WDR20: variants seen among roughly 807,000 people sequenced by gnomAD.
WDR20 encodes WD repeat-containing protein 20.
In WDR20, 3 loss-of-function variants were observed where a neutral mutation model predicts 38.7. That is an observed-to-expected ratio of 0.08 (90% CI 0.04 to 0.20). WDR20 has a LOEUF of 0.20. Ranked by LOEUF, WDR20 falls within the 10% of genes least tolerant of loss-of-function variation. WDR20 has a pLI of 1.00. For missense variants in WDR20, 559 were observed against 727.7 expected, an observed-to-expected ratio of 0.77 and a Z score of 2.67; for synonymous variants, 298 against 285.6, an observed-to-expected ratio of 1.04 and a Z score of -0.44.
intron 1 of WDR20, among the ~76,000 whole-genome samples, chr14:102,140,374 G>A (rs574294593): frequency 1.3e-5 from 2 of 152,164 alleles, no homozygotes; most frequent in East Asian, 3.9e-4. Flanking sequence ...GAAGGGGTGG[G>A]GGCAGTGGAA....
intron 1 of WDR20, among the ~76,000 whole-genome samples, chr14:102,160,325 G>A (rs2058354507): frequency 6.6e-6 from 1 of 152,066 alleles, no homozygotes. Context: ...ATTCAGAGAG[G>A]TCTGTCTTCT....
chr14:102,175,019 C>G (rs2061753091), intron 1 of WDR20, among the ~76,000 whole-genome samples: 1 of 152,130 alleles, frequency 6.6e-6, no homozygotes, highest in African/African-American at 2.4e-5. Flanking sequence ...GTTGTTTACT[C>G]TGCTGATTAT....
At chr14:102,152,365 A>G (rs1341300542) in intron 1 of WDR20, among the ~76,000 whole-genome samples, 2 of 152,164 alleles carry the variant, frequency 1.3e-5, no homozygotes. Context: ...TGTTAATAAT[A>G]GTGTGGATTA....
intron 2 of WDR20, among the ~76,000 whole-genome samples, chr14:102,196,882 G>A (rs186264353): frequency 6.6e-6 from 1 of 152,330 alleles, no homozygotes; most frequent in East Asian, 1.9e-4. Flanking sequence ...TTTAATGCCA[G>A]CTTTGCATTT....
chr14:102,212,727 T>A (rs957901167), downstream of WDR20: 8 of 1,454,760 alleles, frequency 5.5e-6, no homozygotes, highest in Admixed American at 4.8e-5. Flanking sequence ...ATATCAGGTG[T>A]GTAAGGTGCA....
chr14:102,192,326 C>T (rs1055974858), intron 1 of WDR20, among the ~76,000 whole-genome samples: 5 of 151,924 alleles, frequency 3.3e-5, no homozygotes, highest in African/African-American at 1.2e-4. Flanking sequence ...ACTACAGGTG[C>T]CCACCACCAC....
At chr14:102,192,888 A>G (rs190545391) in intron 1 of WDR20, among the ~76,000 whole-genome samples, 2 of 151,854 alleles carry the variant, frequency 1.3e-5, no homozygotes, top group Admixed American at 1.3e-4. Flanking sequence ...GTTAACTGTC[A>G]CCTTGAATTC....
Position 102,188,236 on chromosome 14 carries a change from A to G in WDR20, c.250-6702A>G, listed in dbSNP as rs528021045. On this transcript the variant is annotated intron_variant, in intron 1 of 2. Coordinates refer to ENST00000342702, the MANE Select transcript of WDR20 (RefSeq NM_144574.4). ...TATCAAGTAAAACTTTACCAGGCCT[A>G]TGTGATGTGACATGGCTGTTGCCTG... Among the ~76,000 whole-genome samples, 438 of 152,314 alleles carry G rather than the reference A, an allele frequency of 2.9e-3. 4 individuals are homozygous for G. Among genetic ancestry groups the G allele is most frequent in the African/African-American group, 0.01 (425 of 41,564 alleles).
intron 1 of WDR20, among the ~76,000 whole-genome samples, chr14:102,178,417 G>C (rs182790291): frequency 6.6e-6 from 1 of 151,526 alleles, no homozygotes; most frequent in Non-Finnish European, 1.5e-5. Context: ...ATTGTTTGGC[G>C]TGTGTGTATT....
chr14:102,143,470 G>T (rs939016307), intron 1 of WDR20, among the ~76,000 whole-genome samples: 1 of 152,078 alleles, frequency 6.6e-6, no homozygotes, highest in Non-Finnish European at 1.5e-5. Context: ...TACCAGGCAA[G>T]GTGATGTGAG....
Position 102,209,647 on chromosome 14 carries a change from G to A in WDR20, c.1477G>A (p.Asp493Asn). 6.2e-7 allele frequency: 1 copy of A among 1,614,162 alleles called. No individual in the cohort carries two copies. The highest frequency in any genetic ancestry group is 8.5e-7 in the Non-Finnish European group (1 of 1,180,042). ...SMGHISSKSS[D>N]KLNLVTKTKT... ...GGGACACATTTCTAGCAAGAGCAGT[G>A]ACAAACTGAATCTAGTTACCAAAAC... The change falls in exon 3 of 3, where the codon GAC becomes AAC. Residue 493 changes from aspartate to asparagine, a missense_variant. Coordinates refer to ENST00000342702, the MANE Select transcript of WDR20 (RefSeq NM_144574.4). The surrounding 1 kb of genome is among the most constrained non-coding windows in gnomAD (Gnocchi z 6.0).
chr14:102,174,536 C>T (rs1007338530), intron 1 of WDR20, among the ~76,000 whole-genome samples: 1 of 152,230 alleles, frequency 6.6e-6, no homozygotes, highest in Non-Finnish European at 1.5e-5. Context: ...TCTCCTGTCT[C>T]AGCCTCCCGA....
At chr14:102,173,508 G>T (rs1020132607) in intron 1 of WDR20, among the ~76,000 whole-genome samples, 1 of 149,946 alleles carries the variant, frequency 6.7e-6, no homozygotes, top group African/African-American at 2.5e-5. Flanking sequence ...TGGGGAACAG[G>T]AGGTATTTGG....
intron 1 of WDR20, among the ~76,000 whole-genome samples, chr14:102,172,519 G>A (rs1464318961): frequency 2.6e-3 from 389 of 149,818 alleles, no homozygotes; most frequent in African/African-American, 8.6e-3. Flanking sequence ...CGGACGGGGC[G>A]GCTGGCCGGG....
rs139416955 is a variant in WDR20 at position 102,162,993 on chromosome 14, C to T, written c.249+22821C>T. 7.4e-3 allele frequency among the ~76,000 whole-genome samples: 1,134 copies of T among 152,218 alleles called. 22 individuals are homozygous for T. Among genetic ancestry groups the T allele is most frequent in the African/African-American group, 0.026 (1,061 of 41,502 alleles). On this transcript the variant is annotated intron_variant, in intron 1 of 2. Coordinates refer to ENST00000342702, the MANE Select transcript of WDR20 (RefSeq NM_144574.4). Reference sequence around the variant, plus strand: ...AACTCACAGACAGAGGCTTGCTAGCCCTTTTGCATTGATTGAGAGGCTTTT... The same window carrying T: ...AACTCACAGACAGAGGCTTGCTAGCTCTTTTGCATTGATTGAGAGGCTTTT...
chr14:102,198,227 C>A, intron 2 of WDR20: 2 of 244,346 alleles, frequency 8.2e-6, no homozygotes, highest in South Asian at 3.4e-5. Flanking sequence ...CTCCCAGGTT[C>A]AAGCTATTCT....
At chr14:102,149,984 C>T (rs953534776) in intron 1 of WDR20, among the ~76,000 whole-genome samples, 1 of 152,174 alleles carries the variant, frequency 6.6e-6, no homozygotes, top group Non-Finnish European at 1.5e-5. Flanking sequence ...TGAGCCACCG[C>T]ACCCAGACGT....
At chr14:102,143,548 C>CTTTT (rs11299573) in intron 1 of WDR20, among the ~76,000 whole-genome samples, 3 of 144,400 alleles carry the variant, frequency 2.1e-5, no homozygotes, top group African/African-American at 5.1e-5. Context: ...TTTTAAACAT[C>CTTTT]TTTTTTTTTT....
In WDR20 at chr14:102,208,641, G is replaced by T; in HGVS notation, c.471G>T (p.Trp157Cys). The T allele has an allele frequency of 2.5e-6, 4 of 1,612,174 alleles. No individual in the cohort carries two copies. Among genetic ancestry groups the T allele is most frequent in the Non-Finnish European group, 3.4e-6 (4 of 1,178,320 alleles). Residue 157 changes from tryptophan to cysteine, a missense_variant, in exon 3 of 3, where the codon TGG becomes TGT. Transcript: ENST00000342702. This position sits in a 1 kb window ranked among gnomAD's most constrained non-coding sequence, Gnocchi z 5.6. The part of the protein sequence containing the change: ...IDKSRVTCVK[W>C]VPGSESLFLV... ...AGTCACGAGTTACCTGTGTCAAATG[G>T]GTTCCCGGTTCGGAAAGCCTTTTCC...
Sources: gnomAD v4.1 joint callset for allele counts (sites outside exome capture counted in the v4.1 genomes callset) on GRCh38, gnomAD v4.1.1 for gene constraint, Gnocchi (gnomAD v3.1) non-coding constraint, MANE v1.5 for transcripts, NCBI Gene and HGNC (gene_info 2026-07-23, HGNC 2026-07-21) for gene names.